The following FRMD3 variants were observed in gnomAD, a reference collection of about 807,000 sequenced individuals.
The protein encoded by FRMD3 is FERM domain containing 3.
FRMD3 carries 33 observed loss-of-function variants against 70.2 expected under a neutral mutation model. The observed-to-expected ratio is 0.47, with a 90% CI of 0.36 to 0.63. FRMD3 has a LOEUF of 0.63. Ranked by LOEUF, FRMD3 falls within the 20% of genes least tolerant of loss-of-function variation. FRMD3 has a pLI of 0.00. For synonymous variants in FRMD3, 279 were observed against 255.9 expected (o/e 1.09, Z -0.86); for missense variants, 632 against 711.4 (o/e 0.89, Z 1.27).
downstream of FRMD3, among the ~76,000 whole-genome samples, chr9:83,243,848 T>C (rs1831961244): frequency 6.6e-6 from 1 of 152,024 alleles, no homozygotes; most frequent in Non-Finnish European, 1.5e-5. Context: ...AGGTATGGAG[T>C]TGTTAGCTTT....
At chr9:83,358,979 G>A (rs2131217371) in intron 3 of FRMD3, among the ~76,000 whole-genome samples, 1 of 152,194 alleles carries the variant, frequency 6.6e-6, no homozygotes, top group East Asian at 1.9e-4. Flanking sequence ...AGAGAGTGCA[G>A]GCTGCATTCA....
the FRMD3 span, among the ~76,000 whole-genome samples, chr9:83,550,006 C>T: frequency 1.3e-5 from 2 of 151,932 alleles, no homozygotes; most frequent in Non-Finnish European, 1.5e-5. Context: ...TTGGCATCTT[C>T]ATCATTAAAT....
rs1437895399 is a variant in FRMD3, at chr9:83,374,152, T to C, written c.253-1197A>G. ...CAGTGAAGCCAACCATGCAGCAGGATTCTGGTGCATGGGCCCTTAACCTCT... is the reference window on the plus strand; with the variant it reads ...CAGTGAAGCCAACCATGCAGCAGGACTCTGGTGCATGGGCCCTTAACCTCT... On this transcript the variant is annotated intron_variant, in intron 2 of 13. Transcript: ENST00000304195. 2.6e-5 allele frequency among the ~76,000 whole-genome samples: 4 copies of C among 152,170 alleles called. No homozygotes were observed. The South Asian group carries it at 6.2e-4, about 24-fold the overall frequency.
intron 1 of FRMD3, among the ~76,000 whole-genome samples, chr9:83,486,847 T>TA (rs1483932416): frequency 2.0e-5 from 3 of 152,162 alleles, no homozygotes; most frequent in Non-Finnish European, 2.9e-5. Flanking sequence ...CACACACATA[T>TA]ACCCCACTAA....
chr9:83,507,110 C>T (rs1370106858), intron 1 of FRMD3, among the ~76,000 whole-genome samples: 1 of 152,124 alleles, frequency 6.6e-6, no homozygotes, highest in Admixed American at 6.6e-5. Context: ...CCTGTAATCC[C>T]AGCACTTTGG....
intron 13 of FRMD3, among the ~76,000 whole-genome samples, chr9:83,253,244 T>A (rs1270335947): frequency 2.6e-5 from 4 of 152,062 alleles, no homozygotes; most frequent in Non-Finnish European, 5.9e-5. Flanking sequence ...TACATGGAAA[T>A]TGAACAACCT....
intron 1 of FRMD3, among the ~76,000 whole-genome samples, chr9:83,529,487 G>A (rs1004821073): frequency 6.6e-6 from 1 of 152,150 alleles, no homozygotes; most frequent in African/African-American, 2.4e-5. Context: ...TTTATGGTAT[G>A]CAAACTATGT....
intron 13 of FRMD3, among the ~76,000 whole-genome samples, chr9:83,272,065 T>C (rs1224810426): frequency 9.2e-5 from 14 of 151,860 alleles, no homozygotes; most frequent in African/African-American, 2.4e-5. Context: ...CTGCTCTCCC[T>C]CTCCCTCCCC....
chr9:83,520,563 C>T (rs1829548763), intron 1 of FRMD3, among the ~76,000 whole-genome samples: 1 of 152,138 alleles, frequency 6.6e-6, no homozygotes, highest in Non-Finnish European at 1.5e-5. Flanking sequence ...AATTAAATAG[C>T]TATGAAAATT....
chr9:83,538,698 C>T (rs1005436126), upstream of FRMD3, among the ~76,000 whole-genome samples: 20 of 152,246 alleles, frequency 1.3e-4, no homozygotes, highest in African/African-American at 4.8e-4. This position sits in a 1 kb window ranked among gnomAD's most constrained non-coding sequence, Gnocchi z 4.7. Flanking sequence ...CTCACCGCCT[C>T]CTCCCTCCCC....
rs560626243 is a variant in FRMD3 at position 83,393,161 on chromosome 9, A to T, written c.148-3453T>A. On this transcript the variant is annotated intron_variant, in intron 1 of 13. Coordinates refer to ENST00000304195, the MANE Select transcript of FRMD3 (RefSeq NM_174938.6). ...TCTCAGAAATGCACTGACAGGGTTG[A>T]AAGAATTTGTTCAACTACACAACTT... is the stretch of plus-strand genomic sequence containing the variant. Among the ~76,000 whole-genome samples the T allele has an allele frequency of 5.9e-5, 9 of 152,330 alleles. No homozygotes were observed. The South Asian group carries it at 1.7e-3, about 28-fold the overall frequency.
intron 1 of FRMD3, among the ~76,000 whole-genome samples, chr9:83,451,630 C>A (rs1191490832): frequency 6.6e-6 from 1 of 152,096 alleles, no homozygotes; most frequent in Admixed American, 6.5e-5. Context: ...TGACATCAGG[C>A]TGAAGGTATG....
chr9:83,334,336 T>C (rs2131137587), intron 6 of FRMD3, among the ~76,000 whole-genome samples: 1 of 152,306 alleles, frequency 6.6e-6, no homozygotes, highest in Admixed American at 6.5e-5. Context: ...TCTAATCATC[T>C]TTATCTCTAA....
chr9:83,311,601 GC>G (rs1299659112), intron 8 of FRMD3, among the ~76,000 whole-genome samples: 1 of 152,054 alleles, frequency 6.6e-6, no homozygotes, highest in Non-Finnish European at 1.5e-5. Flanking sequence ...CCATCCGTGT[GC>G]CCCCCTTGGC....
At chr9:83,269,619 G>A (rs1056524685) in intron 13 of FRMD3, among the ~76,000 whole-genome samples, 3 of 152,018 alleles carry the variant, frequency 2.0e-5, no homozygotes, top group Admixed American at 1.3e-4. Context: ...TGAGGCAGGA[G>A]AATTGCATAA....
chr9:83,566,362 T>TA, the FRMD3 span, among the ~76,000 whole-genome samples: 1 of 152,172 alleles, frequency 6.6e-6, no homozygotes, highest in Non-Finnish European at 1.5e-5. Flanking sequence ...TTCTGGGAGA[T>TA]AAAATTCAAG....
the FRMD3 span, among the ~76,000 whole-genome samples, chr9:83,582,829 G>A: frequency 0.85 from 129,520 of 152,240 alleles, 55,538 homozygotes; most frequent in East Asian, 1. Context: ...ACCATTTTTG[G>A]CCTAGATTTG....
intron 1 of FRMD3, among the ~76,000 whole-genome samples, chr9:83,517,282 T>C (rs896516173): frequency 2.6e-5 from 4 of 151,732 alleles, no homozygotes; most frequent in African/African-American, 7.3e-5. Context: ...AAAAGTGATA[T>C]AGGGAAGATC....
chr9:83,419,888 A>G (rs539597861), intron 1 of FRMD3, among the ~76,000 whole-genome samples: 1 of 152,340 alleles, frequency 6.6e-6, no homozygotes, highest in South Asian at 2.1e-4. Flanking sequence ...ATCTTTTACA[A>G]CAGCTCTTGG....
Sources: gnomAD v4.1 joint callset for allele counts (sites outside exome capture counted in the v4.1 genomes callset) on GRCh38, gnomAD v4.1.1 for gene constraint, Gnocchi (gnomAD v3.1) non-coding constraint, MANE v1.5 for transcripts, NCBI Gene and HGNC (gene_info 2026-07-23, HGNC 2026-07-21) for gene names.